The following DDX60 variants were observed in gnomAD, a reference collection of about 807,000 sequenced individuals.
DDX60 encodes probable ATP-dependent RNA helicase DDX60.
A neutral mutation model predicts 212.8 loss-of-function variants in DDX60; 165 were observed. That is an observed-to-expected ratio of 0.78 (90% CI 0.68 to 0.88). The LOEUF (loss-of-function observed/expected upper bound fraction) is 0.88, where lower values mean the gene tolerates loss of function less well. Among genes scored for constraint, DDX60 ranks in the 40% least tolerant of loss-of-function variants. DDX60 has a pLI of 0.00. For synonymous variants in DDX60, 703 were observed against 685.3 expected (o/e 1.03, Z -0.40); for missense variants, 1,905 against 2,003.9 (o/e 0.95, Z 0.94).
intron 8 of DDX60, among the ~76,000 whole-genome samples, chr4:168,291,519 A>G (rs1736099890): frequency 6.6e-6 from 1 of 152,240 alleles, no homozygotes; most frequent in African/African-American, 2.4e-5. Context: ...GAGATTTAAC[A>G]AAGGAAAAAT....
rs771605376 is a variant in DDX60 at position 168,255,712 on chromosome 4, T to G, written c.3556A>C (p.Ile1186Leu). The change falls in exon 26 of 38, where the codon ATA becomes CTA. Residue 1186 changes from isoleucine (I) to leucine (L), a missense_variant and splice_region_variant. Transcript: ENST00000393743. The part of the protein sequence containing the change: ...VKKSIEKQKI[I>L]DEKSQKKTRN... ...CAATTTGTTTAGTTAACTACTTACA[T>G]GATCTTTTGTTTCTCTATGGATTTT... 5 of 1,583,698 alleles carry G rather than the reference T, an allele frequency of 3.2e-6. No individual in the cohort carries two copies. In the Admixed American group the frequency reaches 9.8e-5, roughly 31 times the overall value.
At chr4:168,273,430 CATA>C in intron 17 of DDX60, 32 bp from the exon 18 acceptor site, 8 of 1,610,456 alleles carry the variant, frequency 5.0e-6, no homozygotes, top group Non-Finnish European at 6.8e-6. Context: ...CCATTAGTCA[CATA>C]ATAGAGAGAG....
chr4:168,295,832 CGG>C (rs1560868518), intron 6 of DDX60, among the ~76,000 whole-genome samples: 1 of 151,958 alleles, frequency 6.6e-6, no homozygotes, highest in Non-Finnish European at 1.5e-5. Flanking sequence ...GCATTTAAAA[CGG>C]GGGGAAATCC....
Position 168,262,675 on chromosome 4 carries a change from T to C in DDX60, c.3144+8A>G, listed in dbSNP as rs750155948. The stretch of plus-strand genomic sequence containing the variant: ...TATAATAGGATTAATTACATCATTA[T>C]TATTTACCTGGGCCCGAGGCCAACT... On this transcript the variant is annotated splice_region_variant and intron_variant, in intron 23 of 37. Coordinates refer to ENST00000393743, the MANE Select transcript of DDX60 (RefSeq NM_017631.6). 2 of 1,570,450 alleles carry C rather than the reference T, an allele frequency of 1.3e-6. No homozygotes were observed. Among genetic ancestry groups the C allele is most frequent in the South Asian group, 1.1e-5 (1 of 89,510 alleles).
chr4:168,284,854 A>C lies in DDX60; in HGVS notation c.1527T>G (p.Ser509Arg). Residue 509 changes from serine to arginine, a missense_variant, in exon 12 of 38, where the codon AGT (serine) becomes AGG (arginine). Ser to Arg is a moderately radical substitution (Grantham distance 110, BLOSUM62 -1). Transcript: ENST00000393743. ...LVHWHSHKPLSDDYDRSRCQF... is the reference protein window; with the variant it reads ...LVHWHSHKPLRDDYDRSRCQF... ...GACACCTGGACCTGTCATAATCATC[A>C]CTCAGGGGTTTATGAGAATGCCAGT... 6.3e-7 allele frequency: 1 copy of C among 1,590,828 alleles called. No individual in the cohort carries two copies. Among genetic ancestry groups the C allele is most frequent in the South Asian group, 1.2e-5 (1 of 86,894 alleles).
chr4:168,270,564 T>C (rs1472032433), intron 19 of DDX60, among the ~76,000 whole-genome samples: 1 of 152,236 alleles, frequency 6.6e-6, no homozygotes, highest in Admixed American at 6.5e-5. Flanking sequence ...TTCAGAGTTT[T>C]GAGATCAGAT....
At chr4:168,253,061 C>A (rs1324813741) in intron 26 of DDX60, among the ~76,000 whole-genome samples, 1 of 152,166 alleles carries the variant, frequency 6.6e-6, no homozygotes, top group Non-Finnish European at 1.5e-5. Context: ...CCTCGGCCTC[C>A]CAAAGTGCTG....
chr4:168,218,413 T>C (rs1172718475), intron 37 of DDX60, among the ~76,000 whole-genome samples: 1 of 152,220 alleles, frequency 6.6e-6, no homozygotes, highest in Non-Finnish European at 1.5e-5. Context: ...ACCAATTTCT[T>C]GAATTTTACC....
chr4:168,320,907 T>C (rs567238898), upstream of DDX60, among the ~76,000 whole-genome samples: 2 of 152,264 alleles, frequency 1.3e-5, no homozygotes, highest in Admixed American at 6.5e-5. Flanking sequence ...TCTACAACAT[T>C]CTCTATTACA....
chr4:168,282,007 A>AAAC (rs556041523), intron 13 of DDX60, among the ~76,000 whole-genome samples: 2 of 152,170 alleles, frequency 1.3e-5, no homozygotes, highest in Non-Finnish European at 2.9e-5. Context: ...ACATCTCTCA[A>AAAC]AACAACAACA....
At chr4:168,258,428 T>C (rs552467219) in intron 25 of DDX60, among the ~76,000 whole-genome samples, 2 of 134,050 alleles carry the variant, frequency 1.5e-5, no homozygotes, top group Admixed American at 7.6e-5. Context: ...ACACTGAATA[T>C]GCTCCATGTA....
chr4:168,276,025 T>A lies in DDX60; in HGVS notation c.2135A>T (p.His712Leu). The A allele has an allele frequency of 6.2e-7, 1 of 1,611,110 alleles. No individual in the cohort carries two copies. The highest frequency in any genetic ancestry group is 8.5e-7 in the Non-Finnish European group (1 of 1,178,138). Reference sequence around the variant, plus strand: ...TTCTGATAATATTACCTGGGCTGGATGTAAAGAACTTGCCAACTCATCAAA... The same window carrying A: ...TTCTGATAATATTACCTGGGCTGGAAGTAAAGAACTTGCCAACTCATCAAA... ...LGFDELASSL[H>L]PAQDAENDVK... is the part of the protein sequence containing the mutation. Residue 712 changes from histidine to leucine, a missense_variant, in exon 15 of 38, where the codon CAT (histidine) becomes CTT (leucine). Coordinates refer to ENST00000393743, the MANE Select transcript of DDX60 (RefSeq NM_017631.6).
At chr4:168,265,835 A>AGGAAGGGAAGGGAAGGGAAG (rs138501508) in intron 22 of DDX60, among the ~76,000 whole-genome samples, 1 of 89,168 alleles carries the variant, frequency 1.1e-5, no homozygotes, top group East Asian at 3.6e-4. Flanking sequence ...GAAGGAGGGA[A>AGGAAGGGAAGGGAAGGGAAG]GGAAGGGAAG....
chr4:168,246,547 G>T lies in DDX60; in HGVS notation c.4035C>A (p.Pro1345=). The part of the protein sequence containing the change: ...GDVYFFDIPF[P]KIGKLIKSNV... ...TGGATTTTATGAGTTTTCCTATTTT[G>T]GGGAATGGAATATCAAAGAAATATA... The change falls in exon 30 of 38, where the codon CCC becomes CCA. Residue 1345 remains proline, a synonymous_variant. Transcript: ENST00000393743. The T allele has an allele frequency of 6.2e-7, 1 of 1,613,944 alleles. No homozygotes were observed. Among genetic ancestry groups the T allele is most frequent in the Non-Finnish European group, 8.5e-7 (1 of 1,179,978 alleles).
At chr4:168,230,318 G>T (rs1733402644) in intron 33 of DDX60, among the ~76,000 whole-genome samples, 1 of 152,094 alleles carries the variant, frequency 6.6e-6, no homozygotes, top group African/African-American at 2.4e-5. Flanking sequence ...CATAAAGACA[G>T]AAAGTCAACA....
intron 1 of DDX60, among the ~76,000 whole-genome samples, chr4:168,315,742 C>A (rs1213158463): frequency 6.6e-6 from 1 of 152,182 alleles, no homozygotes; most frequent in Non-Finnish European, 1.5e-5. Flanking sequence ...CATGTCCCTG[C>A]AAAGGACACG....
Position 168,302,328 on chromosome 4 carries a change from C to T in DDX60, c.695G>A (p.Ser232Asn). 2 of 1,569,576 alleles carry T rather than the reference C, an allele frequency of 1.3e-6. No individual in the cohort carries two copies. Among genetic ancestry groups the T allele is most frequent in the Non-Finnish European group, 1.7e-6 (2 of 1,154,564 alleles). The change falls in exon 6 of 38, where the codon AGT becomes AAT. Residue 232 changes from serine to asparagine, a missense_variant. Coordinates refer to ENST00000393743, the MANE Select transcript of DDX60 (RefSeq NM_017631.6). The stretch of plus-strand genomic sequence containing the variant: ...TTCCGTAATATTATTCCATTTTAAA[C>T]TTCCAAAAAGAGGTGCTAATGCTGA... Reference protein sequence around the residue: ...KLSALAPLFGSLKWNNITEEA... With the variant: ...KLSALAPLFGNLKWNNITEEA...
chr4:168,315,038 C>T (rs1020044252), intron 1 of DDX60, among the ~76,000 whole-genome samples: 7 of 152,086 alleles, frequency 4.6e-5, no homozygotes, highest in Non-Finnish European at 7.4e-5. Context: ...ACACTGTTGG[C>T]CGACTACTTG....
At chr4:168,231,150 C>A (rs1163897165) in intron 33 of DDX60, among the ~76,000 whole-genome samples, 1 of 151,736 alleles carries the variant, frequency 6.6e-6, no homozygotes, top group Admixed American at 6.6e-5. Context: ...CTAGATTAAA[C>A]CAAGAAGAAA....
Sources: allele counts gnomAD v4.1 joint callset (sites outside exome capture counted in the v4.1 genomes callset), GRCh38; gene constraint gnomAD v4.1.1; transcripts MANE v1.5; gene names NCBI Gene and HGNC (gene_info 2026-07-23, HGNC 2026-07-21).